The following HGF variants were observed in gnomAD, a reference collection of about 807,000 sequenced individuals.
HGF encodes hepatocyte growth factor.
In HGF, 39 loss-of-function variants were observed where a neutral mutation model predicts 111.6. That is an observed-to-expected ratio of 0.35 (90% CI 0.27 to 0.46). The LOEUF (loss-of-function observed/expected upper bound fraction) is 0.46, where lower values mean the gene tolerates loss of function less well. Ranked by LOEUF, HGF falls within the 20% of genes least tolerant of loss-of-function variation. The pLI is 1.00. For missense variants in HGF, 735 were observed against 910.5 expected (o/e 0.81, Z 2.48); for synonymous variants, 285 against 294.8 (o/e 0.97, Z 0.34).
chr7:81,753,465 G>C (rs551804950), intron 4 of HGF, among the ~76,000 whole-genome samples: 2 of 152,026 alleles, frequency 1.3e-5, no homozygotes, highest in South Asian at 4.2e-4. Context: ...AAGGATTTTA[G>C]TATCTTAGTA....
At chr7:81,728,755 A>C (rs572254271) in intron 8 of HGF, among the ~76,000 whole-genome samples, 3 of 152,200 alleles carry the variant, frequency 2.0e-5, no homozygotes, top group South Asian at 4.1e-4. Flanking sequence ...GGATGGGCCA[A>C]CTAGTGCTCA....
At position 81,706,326 on chromosome 7, in the gene HGF, C is replaced by T. The variant is rs2115771262; in HGVS notation, c.1718G>A (p.Gly573Asp). The T allele has an allele frequency of 1.2e-6, 2 of 1,612,710 alleles. No homozygotes were observed. The highest frequency in any genetic ancestry group is 1.7e-6 in the Non-Finnish European group (2 of 1,179,056). The change falls in exon 15 of 18, where the codon GGC becomes GAC. Residue 573 changes from glycine to aspartate, a missense_variant. Coordinates refer to ENST00000222390, the MANE Select transcript of HGF (RefSeq NM_000601.6). ...TAAAACCAGATCTGATCCTTCAGGG[C>T]CATATACCAGCTGGGAAACATTGAG... ...QVLNVSQLVY[G>D]PEGSDLVLMK...
chr7:81,737,286 A>G (rs925573934), intron 7 of HGF, among the ~76,000 whole-genome samples: 12 of 152,104 alleles, frequency 7.9e-5, no homozygotes, highest in Admixed American at 2.6e-4. Context: ...GAAGAAAATC[A>G]GGGTAAAAGA....
intron 6 of HGF, 104 bp from the exon 7 acceptor site, chr7:81,743,575 G>A: frequency 2.5e-6 from 2 of 804,674 alleles, no homozygotes; most frequent in East Asian, 2.4e-5. Flanking sequence ...ACACCTAGCT[G>A]GGGAAAGAGG....
At chr7:81,760,758 A>C (rs1051052724) in intron 2 of HGF, among the ~76,000 whole-genome samples, 6 of 150,970 alleles carry the variant, frequency 4.0e-5, no homozygotes, top group African/African-American at 1.5e-4. Flanking sequence ...GGGCCAAAAA[A>C]TCTTGGCTCT....
intron 9 of HGF, among the ~76,000 whole-genome samples, chr7:81,723,913 G>C (rs976866598): frequency 3.3e-5 from 5 of 151,130 alleles, no homozygotes; most frequent in Admixed American, 2.0e-4. Flanking sequence ...TCTATCTGTA[G>C]ATATATCTGT....
In HGF at chr7:81,745,456, G is replaced by A. The variant is rs142555301; in HGVS notation, c.626-336C>T. ...ATCCTTGGAAATTTTTCCCGTGTTGGTCTAAAATGCAAAGATCTCAGTATC... is the reference window on the plus strand; with the variant it reads ...ATCCTTGGAAATTTTTCCCGTGTTGATCTAAAATGCAAAGATCTCAGTATC... On this transcript the variant is annotated intron_variant, in intron 5 of 17. Coordinates refer to ENST00000222390, the MANE Select transcript of HGF (RefSeq NM_000601.6). 3.7e-4 allele frequency among the ~76,000 whole-genome samples: 57 copies of A among 152,220 alleles called. No individual in the cohort carries two copies. The East Asian group carries it at 0.011, about 28-fold the overall frequency.
At chr7:81,729,571 A>G (rs564957972) in intron 8 of HGF, 34 bp downstream of exon 8, 17 of 1,531,036 alleles carry the variant, frequency 1.1e-5, no homozygotes, top group South Asian at 4.5e-5. Flanking sequence ...CCCAGGGCCT[A>G]CTGAAATGTA....
chr7:81,748,027 C>A (rs983561823), intron 5 of HGF, among the ~76,000 whole-genome samples: 14 of 152,270 alleles, frequency 9.2e-5, no homozygotes, highest in South Asian at 8.3e-4. Flanking sequence ...ACAAGTCTCA[C>A]AAAAGTTTTA....
intron 7 of HGF, among the ~76,000 whole-genome samples, chr7:81,734,460 A>G (rs1269568159): frequency 1.3e-5 from 2 of 152,256 alleles, no homozygotes; most frequent in East Asian, 1.9e-4. Context: ...TTGGAACATT[A>G]ATTTCACTTT....
At chr7:81,736,894 G>GGTGTGTGTATGT (rs1554369036) in intron 7 of HGF, among the ~76,000 whole-genome samples, 1 of 141,966 alleles carries the variant, frequency 7.0e-6, no homozygotes, top group African/African-American at 2.6e-5. Context: ...TGTGTAGAGG[G>GGTGTGTGTATGT]GTGTGTGTGT....
intron 7 of HGF, among the ~76,000 whole-genome samples, chr7:81,731,431 T>C (rs989343291): frequency 2.0e-5 from 3 of 152,172 alleles, no homozygotes; most frequent in Non-Finnish European, 2.9e-5. Flanking sequence ...GCCTAGAGAA[T>C]TCATCTATAT....
At chr7:81,709,050 T>C (rs1165991108) in intron 13 of HGF, among the ~76,000 whole-genome samples, 2 of 152,188 alleles carry the variant, frequency 1.3e-5, no homozygotes, top group African/African-American at 4.8e-5. Context: ...AATTGGTTTA[T>C]TCATAAAAGG....
chr7:81,769,600 C>T (rs1037725401), intron 1 of HGF, among the ~76,000 whole-genome samples: 2 of 152,190 alleles, frequency 1.3e-5, no homozygotes, highest in African/African-American at 4.8e-5. Context: ...AGCACTTCCT[C>T]CCTATCTCAT....
chr7:81,761,069 G>A (rs890425631), intron 2 of HGF, among the ~76,000 whole-genome samples: 6 of 152,108 alleles, frequency 3.9e-5, no homozygotes, highest in African/African-American at 1.2e-4. Flanking sequence ...CAGCAATGAG[G>A]TGTCCTCTCC....
intron 9 of HGF, among the ~76,000 whole-genome samples, chr7:81,724,261 T>G (rs1789949005): frequency 6.6e-6 from 1 of 152,176 alleles, no homozygotes; most frequent in Non-Finnish European, 1.5e-5. Context: ...TGAAATTGAC[T>G]GAAAAGGGAC....
chr7:81,754,679 T>C (rs1196982260), intron 4 of HGF, among the ~76,000 whole-genome samples: 1 of 152,150 alleles, frequency 6.6e-6, no homozygotes, highest in East Asian at 1.9e-4. Context: ...CTGGGTCATC[T>C]CTTTTCTTCA....
At position 81,705,419 on chromosome 7, in the gene HGF, C is replaced by T. The variant is rs769580628; in HGVS notation, c.1981G>A (p.Ala661Thr). The part of the protein sequence containing the change: ...TLNESEICAG[A>T]EKIGSGPCEG... ...CATGGTCCTGATCCAATCTTTTCAG[C>T]CCCAGCACATATTTCAGACTCATTC... is the stretch of plus-strand genomic sequence containing the variant. The change falls in exon 17 of 18, where the codon GCT (alanine) becomes ACT (threonine). Residue 661 changes from alanine to threonine, a missense_variant. Ala to Thr is a moderately conservative substitution (Grantham distance 58, BLOSUM62 0). Coordinates refer to ENST00000222390, the MANE Select transcript of HGF (RefSeq NM_000601.6). The T allele has an allele frequency of 1.2e-6, 2 of 1,612,814 alleles. No homozygotes were observed. The highest frequency in any genetic ancestry group is 3.3e-5 in the Admixed American group (2 of 59,870).
At position 81,700,454 on chromosome 7, in the gene HGF, C is replaced by G. The variant is rs1325720447; in HGVS notation, c.*2127G>C. 6.6e-6 allele frequency: 1 copy of G among 151,442 alleles called. No homozygotes were observed. Among genetic ancestry groups the G allele is most frequent in the Non-Finnish European group, 1.5e-5 (1 of 67,624 alleles). 9.4% of individuals were successfully genotyped at this position (151,442 alleles called of 1,614,324 possible). The stretch of plus-strand genomic sequence containing the variant: ...AAAATGTCTAAATACTTAGCTGTAT[C>G]TTGTATCTAGCTAATCTTTATCTGT... On this transcript the variant is annotated 3_prime_UTR_variant, in exon 18 of 18. Transcript: ENST00000222390.
Sources: allele counts gnomAD v4.1 joint callset (sites outside exome capture counted in the v4.1 genomes callset), GRCh38; gene constraint gnomAD v4.1.1; transcripts MANE v1.5; gene names NCBI Gene and HGNC (gene_info 2026-07-23, HGNC 2026-07-21).